Variants in DGKH observed in about 807,000 individuals in gnomAD.
DGKH encodes diacylglycerol kinase eta.
Under a neutral mutation model 159.3 loss-of-function variants are expected in DGKH, and 90 were observed. The observed-to-expected ratio is 0.57, with a 90% CI of 0.48 to 0.67. The LOEUF (loss-of-function observed/expected upper bound fraction) is 0.67. DGKH is among the 30% of genes least tolerant of loss of function. DGKH has a pLI of 0.00. For missense variants in DGKH, 1,181 were observed against 1,506.1 expected (o/e 0.78, Z 3.57); for synonymous variants, 536 against 553.8 (o/e 0.97, Z 0.45).
intron 7 of DGKH, among the ~76,000 whole-genome samples, chr13:42,162,171 C>T (rs897881159): frequency 3.3e-5 from 5 of 152,192 alleles, no homozygotes; most frequent in Admixed American, 6.5e-5. Flanking sequence ...TCTTGCACTT[C>T]CTATACACAA....
Position 42,219,735 on chromosome 13 carries a change from G to C in DGKH, c.3383G>C (p.Arg1128Pro), listed in dbSNP as rs200276004. Reference protein sequence around the residue: ...TKRNNRSTVFRIVPKFKKEKV... With the variant: ...TKRNNRSTVFPIVPKFKKEKV... ...AGGAACAACAGAAGCACCGTATTTC[G>C]AATAGTGCCAAAGTTTAAAAAGGAA... The change falls in exon 28 of 30, where the codon CGA becomes CCA. Residue 1128 changes from arginine (R) to proline (P), a missense_variant. Coordinates refer to ENST00000337343, the MANE Select transcript of DGKH (RefSeq NM_178009.5). The C allele has an allele frequency of 6.2e-6, 10 of 1,613,762 alleles. No homozygotes were observed. Among genetic ancestry groups the C allele is most frequent in the Non-Finnish European group, 8.5e-6 (10 of 1,179,824 alleles).
chr13:42,253,956 G>A (rs1958638359), intron 30 of DGKH, among the ~76,000 whole-genome samples: 1 of 148,350 alleles, frequency 6.7e-6, no homozygotes, highest in African/African-American at 2.5e-5. Context: ...ATGTTATATT[G>A]TTCACATAGG....
intron 3 of DGKH, among the ~76,000 whole-genome samples, chr13:42,147,094 A>G (rs147968165): frequency 6.6e-6 from 1 of 152,292 alleles, no homozygotes; most frequent in African/African-American, 2.4e-5. Context: ...CAAGGACTGG[A>G]GAGCTGTGTG....
At chr13:42,173,956 TGTGCGTGC>T in intron 11 of DGKH, 96 bp from the exon 12 acceptor site, 3 of 647,968 alleles carry the variant, frequency 4.6e-6, no homozygotes, top group Non-Finnish European at 5.3e-6. Context: ...TGTGTGTGTG[TGTGCGTGC>T]GTGTGTGTGT....
At position 42,091,703 on chromosome 13, in the gene DGKH, G is replaced by A. The variant is rs141475904; in HGVS notation, c.193-35760G>A. Among the ~76,000 whole-genome samples, 105 of 152,132 alleles carry A rather than the reference G, an allele frequency of 6.9e-4. No individual in the cohort carries two copies. In the East Asian group the frequency reaches 0.017, roughly 25 times the overall value. On this transcript the variant is annotated intron_variant, in intron 1 of 29. Coordinates refer to ENST00000337343, the MANE Select transcript of DGKH (RefSeq NM_178009.5). Reference sequence around the variant, plus strand: ...GACAAGGGATTAATAACCAGAATATGGAAGGAACTCAAACAACTCAATAAC... The same window carrying A: ...GACAAGGGATTAATAACCAGAATATAGAAGGAACTCAAACAACTCAATAAC...
chr13:42,083,061 G>GT (rs1954229942), intron 1 of DGKH, among the ~76,000 whole-genome samples: 1 of 152,182 alleles, frequency 6.6e-6, no homozygotes, highest in Non-Finnish European at 1.5e-5. Flanking sequence ...TTCAGCTAGA[G>GT]TAACAGTAGT....
intron 1 of DGKH, among the ~76,000 whole-genome samples, chr13:42,125,080 C>G (rs1462204177): frequency 6.6e-6 from 1 of 152,162 alleles, no homozygotes; most frequent in East Asian, 1.9e-4. Context: ...TCACCCGTTT[C>G]CCCATTGTCA....
chr13:42,248,536 AATT>A (rs1346041046), intron 29 of DGKH, among the ~76,000 whole-genome samples: 4 of 147,220 alleles, frequency 2.7e-5, no homozygotes, highest in Non-Finnish European at 6.0e-5. Flanking sequence ...ATTATTTAAT[AATT>A]ATTTAAATTA....
At position 42,168,719 on chromosome 13, in the gene DGKH, T is replaced by G. The variant is rs1358250401; in HGVS notation, c.1268T>G (p.Leu423Arg). 1 of 1,614,070 alleles carries G rather than the reference T, an allele frequency of 6.2e-7. No homozygotes were observed. Among genetic ancestry groups the G allele is most frequent in the Non-Finnish European group, 8.5e-7 (1 of 1,180,024 alleles). ...TTGCCTTTGGGTACAGGAAATGACC[T>G]TGCCCGAGTTCTTGGCTGGGGAGGT... is the stretch of plus-strand genomic sequence containing the variant. ...GVLPLGTGND[L>R]ARVLGWGGSY... Residue 423 changes from leucine to arginine, a missense_variant, in exon 11 of 30, where the codon CTT becomes CGT. Coordinates refer to ENST00000337343, the MANE Select transcript of DGKH (RefSeq NM_178009.5).
intron 21 of DGKH, among the ~76,000 whole-genome samples, chr13:42,206,626 G>T (rs1027508552): frequency 4.2e-5 from 3 of 71,684 alleles, no homozygotes; most frequent in Non-Finnish European, 5.8e-5. Context: ...CCTTCCGGAG[G>T]CTCTAAGGGA....
chr13:42,246,387 G>A (rs1363732886), downstream of DGKH, among the ~76,000 whole-genome samples: 1 of 152,024 alleles, frequency 6.6e-6, no homozygotes, highest in Non-Finnish European at 1.5e-5. Flanking sequence ...AGTAGTTTGA[G>A]ACCAGCCCAG....
At position 42,231,929 on chromosome 13, in the gene DGKH, T is replaced by C. The variant is rs1272820000; in HGVS notation, c.*2741T>C. Reference sequence around the variant, plus strand: ...ATTCTATAAAATGACAATTTGGATATACTTTTTGTTAAATGAGAGCAATTT... The same window carrying C: ...ATTCTATAAAATGACAATTTGGATACACTTTTTGTTAAATGAGAGCAATTT... On this transcript the variant is annotated 3_prime_UTR_variant, in exon 30 of 30. Coordinates refer to ENST00000337343, the MANE Select transcript of DGKH (RefSeq NM_178009.5). 1.3e-5 allele frequency: 2 copies of C among 152,230 alleles called. No individual in the cohort carries two copies. Among genetic ancestry groups the C allele is most frequent in the African/African-American group, 4.8e-5 (2 of 41,456 alleles). The allele number at this position is 152,230 out of a possible 1,614,324, so 9.4% of individuals were successfully genotyped here. A position where few individuals can be genotyped will look rare whatever the true frequency, so the allele number is the denominator to read the frequency against.
intron 29 of DGKH, among the ~76,000 whole-genome samples, chr13:42,225,099 T>G (rs1418533828): frequency 2.6e-5 from 4 of 152,106 alleles, no homozygotes; most frequent in Admixed American, 6.6e-5. Context: ...TATCTTTTAT[T>G]TTTTGTAGAG....
chr13:42,094,840 C>T (rs1204794994), intron 1 of DGKH, among the ~76,000 whole-genome samples: 1 of 152,208 alleles, frequency 6.6e-6, no homozygotes, highest in Admixed American at 6.5e-5. Context: ...ATTGCTACCA[C>T]TCACTTATTT....
At chr13:42,103,502 A>G (rs1353804519) in intron 1 of DGKH, among the ~76,000 whole-genome samples, 1 of 152,152 alleles carries the variant, frequency 6.6e-6, no homozygotes, top group Non-Finnish European at 1.5e-5. Context: ...TGCGATTCCC[A>G]AGTCCCTGCT....
intron 6 of DGKH, 136 bp from the exon 7 acceptor site, chr13:42,159,875 G>T: frequency 3.2e-6 from 4 of 1,246,658 alleles, no homozygotes; most frequent in Non-Finnish European, 4.5e-6. Context: ...CTCAATAAAC[G>T]TGGGGTAAAT....
At chr13:42,166,919 T>C (rs1956328438) in intron 9 of DGKH, among the ~76,000 whole-genome samples, 1 of 152,220 alleles carries the variant, frequency 6.6e-6, no homozygotes, top group Admixed American at 6.5e-5. Flanking sequence ...CAAACAATAC[T>C]AACAATTTCT....
In DGKH at chr13:42,166,600, G is replaced by A; in HGVS notation, c.1044G>A (p.Lys348=). Residue 348 remains lysine, a synonymous_variant, in exon 9 of 30, where the codon AAG becomes AAA. Transcript: ENST00000337343. ...NSKSGDNQGV[K]FLRRFKQLLN... is the part of the protein sequence containing the mutation. ...AGAGTGGAGATAATCAGGGAGTAAA[G>A]TTCCTCCGTCGCTTTAAACAGTTGC... 1 of 1,609,868 alleles carries A rather than the reference G, an allele frequency of 6.2e-7. No homozygotes were observed. The highest frequency in any genetic ancestry group is 8.5e-7 in the Non-Finnish European group (1 of 1,178,228).
At position 42,147,163 on chromosome 13, in the gene DGKH, G is replaced by A. The variant is rs140187795; in HGVS notation, c.385-8128G>A. 5.1e-3 allele frequency among the ~76,000 whole-genome samples: 782 copies of A among 152,204 alleles called. 7 individuals carry two copies. The highest frequency in any genetic ancestry group is 5.8e-3 in the Non-Finnish European group (392 of 68,020). ...AATGTGGAGTTACTGATTTGGGGAGGATTGGTATATAAATGATGCCTTTAA... is the reference window on the plus strand; with the variant it reads ...AATGTGGAGTTACTGATTTGGGGAGAATTGGTATATAAATGATGCCTTTAA... On this transcript the variant is annotated intron_variant, in intron 3 of 29. Coordinates refer to ENST00000337343, the MANE Select transcript of DGKH (RefSeq NM_178009.5).
Sources: gnomAD v4.1 joint callset for allele counts (sites outside exome capture counted in the v4.1 genomes callset) on GRCh38, gnomAD v4.1.1 for gene constraint, MANE v1.5 for transcripts, NCBI Gene and HGNC (gene_info 2026-07-23, HGNC 2026-07-21) for gene names.